The following RNF157 variants were observed in gnomAD, a reference collection of about 807,000 sequenced individuals.
RNF157 encodes E3 ubiquitin ligase RNF157.
RNF157 carries 55 observed loss-of-function variants against 88.3 expected under a neutral mutation model. That is an observed-to-expected ratio of 0.62 (90% CI 0.50 to 0.78). The LOEUF (loss-of-function observed/expected upper bound fraction) is 0.78. RNF157 is among the 30% of genes least tolerant of loss of function. The pLI is 0.00. For missense variants in RNF157, 788 were observed against 860.8 expected, an observed-to-expected ratio of 0.92 and a Z score of 1.06; for synonymous variants, 334 against 341.2, an observed-to-expected ratio of 0.98 and a Z score of 0.23.
intron 2 of RNF157, among the ~76,000 whole-genome samples, chr17:76,174,869 T>C (rs1259422481): frequency 3.9e-5 from 6 of 152,264 alleles, no homozygotes; most frequent in African/African-American, 7.2e-5. Flanking sequence ...TCATTCAGAT[T>C]ACTCACTTTG....
chr17:76,192,445 T>C (rs950396648), intron 2 of RNF157, among the ~76,000 whole-genome samples: 3 of 152,198 alleles, frequency 2.0e-5, no homozygotes, highest in African/African-American at 7.2e-5. Flanking sequence ...CATGTAGGAA[T>C]CCTCTTCGTG....
intron 3 of RNF157, among the ~76,000 whole-genome samples, chr17:76,171,174 G>A (rs2069007783): frequency 6.6e-6 from 1 of 151,160 alleles, no homozygotes; most frequent in Admixed American, 6.6e-5. Flanking sequence ...TTACAGGCAT[G>A]AGCCACTGCA....
At chr17:76,182,707 TTTTTTA>T (rs898181962) in intron 2 of RNF157, among the ~76,000 whole-genome samples, 1 of 147,044 alleles carries the variant, frequency 6.8e-6, no homozygotes, top group Non-Finnish European at 1.5e-5. Flanking sequence ...ACATAAATCT[TTTTTTA>T]AAGTATATAC....
At chr17:76,217,865 A>G (rs7210831) in intron 1 of RNF157, among the ~76,000 whole-genome samples, 21,515 of 152,220 alleles carry the variant, frequency 0.14, 2,275 homozygotes, top group African/African-American at 0.28. Flanking sequence ...CAGGCTTTAA[A>G]AAGTCACATC....
intron 1 of RNF157, among the ~76,000 whole-genome samples, chr17:76,236,811 A>G (rs934132199): frequency 2.6e-5 from 4 of 152,274 alleles, no homozygotes; most frequent in African/African-American, 9.6e-5. Context: ...AAAGAAACTT[A>G]TCAAATATGA....
intron 1 of RNF157, among the ~76,000 whole-genome samples, chr17:76,234,864 G>T (rs2070255111): frequency 6.6e-6 from 1 of 152,052 alleles, no homozygotes; most frequent in Admixed American, 6.5e-5. Flanking sequence ...TAAAGAATAG[G>T]TCTGAGTTCA....
chr17:76,233,011 C>G (rs772348498), intron 1 of RNF157, among the ~76,000 whole-genome samples: 24 of 152,034 alleles, frequency 1.6e-4, no homozygotes, highest in Admixed American at 3.3e-4. Flanking sequence ...ACCTCTGCCT[C>G]CTGGGTTCAA....
rs1477637571 is a variant in RNF157 at position 76,143,383 on chromosome 17, C to T, written c.*1852G>A. Reference sequence around the variant, plus strand: ...CACTGTGAATACTACCTGCAGGGGACAGGACAGGAGGTGGTCTGTGTGCCA... The same window carrying T: ...CACTGTGAATACTACCTGCAGGGGATAGGACAGGAGGTGGTCTGTGTGCCA... On this transcript the variant is annotated 3_prime_UTR_variant, in exon 19 of 19. Transcript: ENST00000269391. 6.6e-6 allele frequency: 1 copy of T among 152,218 alleles called. No homozygotes were observed. Among genetic ancestry groups the T allele is most frequent in the Non-Finnish European group, 1.5e-5 (1 of 68,060 alleles). 9.4% of individuals were successfully genotyped at this position (152,218 alleles called of 1,614,324 possible).
rs2069113780 is a variant in RNF157, at chr17:76,176,957, T to TG, written c.208-3168dup. ...GGGAGGAGGTTCTGCGCAGCCCGTC[T>TG]GGGGCTGCGCCCCCAGGTCTGCCCC... On this transcript the variant is annotated intron_variant, in intron 2 of 18. Coordinates refer to ENST00000269391, the MANE Select transcript of RNF157 (RefSeq NM_052916.3). This position sits in a 1 kb window ranked among gnomAD's most constrained non-coding sequence, Gnocchi z 4.2. 6.7e-6 allele frequency among the ~76,000 whole-genome samples: 1 copy of TG among 148,900 alleles called. No individual in the cohort carries two copies. Among genetic ancestry groups the TG allele is most frequent in the African/African-American group, 2.5e-5 (1 of 40,734 alleles).
intron 2 of RNF157, among the ~76,000 whole-genome samples, chr17:76,192,554 GC>G (rs1568052416): frequency 9.2e-5 from 14 of 152,176 alleles, no homozygotes; most frequent in African/African-American, 2.9e-4. Flanking sequence ...TACAGCATAT[GC>G]CCATGGTGAC....
intron 1 of RNF157, among the ~76,000 whole-genome samples, chr17:76,220,697 C>T (rs2069967371): frequency 6.6e-6 from 1 of 151,784 alleles, no homozygotes; most frequent in Non-Finnish European, 1.5e-5. Context: ...CAGTGGCTCA[C>T]GCCTGTAATC....
intron 18 of RNF157, chr17:76,145,662 T>C (rs1271862531): frequency 3.2e-6 from 1 of 308,480 alleles, no homozygotes; most frequent in Non-Finnish European, 6.0e-6. Flanking sequence ...GTATTTTAAT[T>C]ACTTGGTTTT....
At chr17:76,229,874 G>T (rs913106112) in intron 1 of RNF157, among the ~76,000 whole-genome samples, 1 of 152,140 alleles carries the variant, frequency 6.6e-6, no homozygotes, top group South Asian at 2.1e-4. Context: ...AAGATAAGAG[G>T]AAGGAGACAT....
intron 2 of RNF157, among the ~76,000 whole-genome samples, chr17:76,175,578 A>C (rs1362395728): frequency 2.0e-5 from 3 of 152,222 alleles, no homozygotes; most frequent in Non-Finnish European, 4.4e-5. Context: ...AATTTAAAAC[A>C]ATTTTTAAAT....
At chr17:76,184,369 A>AT (rs1343336507) in intron 2 of RNF157, among the ~76,000 whole-genome samples, 2 of 152,058 alleles carry the variant, frequency 1.3e-5, no homozygotes, top group Non-Finnish European at 1.5e-5. Flanking sequence ...ATTCTATTTC[A>AT]TTTTTATTTG....
At chr17:76,171,341 A>G (rs1356585088) in intron 3 of RNF157, among the ~76,000 whole-genome samples, 2 of 151,604 alleles carry the variant, frequency 1.3e-5, no homozygotes, top group Admixed American at 1.3e-4. Flanking sequence ...GATGCGTGCC[A>G]CCATGTCTGG....
intron 1 of RNF157, among the ~76,000 whole-genome samples, chr17:76,239,619 C>T (rs1027235186): frequency 6.7e-6 from 1 of 149,742 alleles, no homozygotes; most frequent in African/African-American, 2.5e-5. Flanking sequence ...CATCCTTCAG[C>T]AGGCAATGGA....
chr17:76,196,898 G>A (rs1037930816), intron 2 of RNF157, among the ~76,000 whole-genome samples: 6 of 152,146 alleles, frequency 3.9e-5, no homozygotes, highest in South Asian at 2.1e-4. Flanking sequence ...AAGCTTTCCC[G>A]TGGGACCAGG....
chr17:76,166,657 T>A lies in RNF157; in HGVS notation c.562-130A>T, dbSNP rs1598398247. On this transcript the variant is annotated intron_variant, in intron 5 of 18. Coordinates refer to ENST00000269391, the MANE Select transcript of RNF157 (RefSeq NM_052916.3). The stretch of plus-strand genomic sequence containing the variant: ...CTCTGCTCCTCATTCTTTAGCCTTG[T>A]TAATTACCCAAGTTTGTTAACTGAG... The A allele has an allele frequency of 3.9e-6, 3 of 769,606 alleles. No homozygotes were observed. The East Asian group carries it at 7.9e-5, about 20-fold the overall frequency. 47.7% of individuals were successfully genotyped at this position (769,606 alleles called of 1,614,324 possible).
Sources: gnomAD v4.1 joint callset for allele counts (sites outside exome capture counted in the v4.1 genomes callset) on GRCh38, gnomAD v4.1.1 for gene constraint, Gnocchi (gnomAD v3.1) non-coding constraint, MANE v1.5 for transcripts, NCBI Gene and HGNC (gene_info 2026-07-23, HGNC 2026-07-21) for gene names.